Variants in TANC1 observed in about 807,000 individuals in gnomAD.
TANC1 encodes protein TANC1.
In TANC1, 77 loss-of-function variants were observed where a neutral mutation model predicts 149.7. The observed-to-expected ratio is 0.51, with a 90% CI of 0.43 to 0.62. The LOEUF (loss-of-function observed/expected upper bound fraction) is 0.62. Ranked by LOEUF, TANC1 falls within the 20% of genes least tolerant of loss-of-function variation. TANC1 has a pLI of 0.00. For synonymous variants in TANC1, 854 were observed against 925.0 expected (o/e 0.92, Z 1.39); for missense variants, 1,985 against 2,321.8 (o/e 0.85, Z 2.98).
chr2:158,979,333 T>C (rs1004371503), intron 1 of TANC1, among the ~76,000 whole-genome samples: 1 of 151,848 alleles, frequency 6.6e-6, no homozygotes, highest in African/African-American at 2.4e-5. Context: ...TACAAAATTT[T>C]TTTTTAAAAA....
chr2:159,202,126 G>A (rs571313428), intron 19 of TANC1, among the ~76,000 whole-genome samples: 54 of 152,296 alleles, frequency 3.5e-4, no homozygotes, highest in African/African-American at 1.1e-3. Context: ...TAAGAATGAC[G>A]GCCACCAGCC....
chr2:159,097,529 A>G (rs1220741426), intron 3 of TANC1, 108 bp from the exon 4 acceptor site: 2 of 880,116 alleles, frequency 2.3e-6, no homozygotes, highest in Non-Finnish European at 3.6e-6. Context: ...CAATACACAC[A>G]TCTGATATGT....
chr2:159,172,333 A>G (rs1028390948), intron 11 of TANC1, 61 bp downstream of exon 11: 1 of 1,542,056 alleles, frequency 6.5e-7, no homozygotes, highest in Non-Finnish European at 8.8e-7. Context: ...TTGGTTTCTG[A>G]GAAGTAGATT....
chr2:159,052,885 G>T (rs2041571508), intron 2 of TANC1, among the ~76,000 whole-genome samples: 1 of 152,190 alleles, frequency 6.6e-6, no homozygotes, highest in Non-Finnish European at 1.5e-5. Flanking sequence ...TCTTATTTAT[G>T]CGTTAAGCAT....
rs1472931479 is a variant in TANC1 at position 159,231,014 on chromosome 2, C to T, written c.*2C>T. ...TCATTTATAGAGTCAAATGTGTGAACCTTAAGAAATCCCCATTTGTGGAAT... is the reference window on the plus strand; with the variant it reads ...TCATTTATAGAGTCAAATGTGTGAATCTTAAGAAATCCCCATTTGTGGAAT... On this transcript the variant is annotated 3_prime_UTR_variant, in exon 27 of 27. Transcript: ENST00000263635. The T allele has an allele frequency of 1.3e-6, 2 of 1,584,672 alleles. No individual in the cohort carries two copies. The highest frequency in any genetic ancestry group is 1.7e-6 in the Non-Finnish European group (2 of 1,163,626).
intron 5 of TANC1, among the ~76,000 whole-genome samples, chr2:159,140,001 T>C (rs1197332896): frequency 6.6e-6 from 1 of 152,092 alleles, no homozygotes; most frequent in African/African-American, 2.4e-5. Flanking sequence ...GGCAGGAGAA[T>C]TGCTTGAGCC....
At chr2:158,969,064 G>A (rs2032412377) in intron 1 of TANC1, among the ~76,000 whole-genome samples, 8 of 152,200 alleles carry the variant, frequency 5.3e-5, no homozygotes, top group Admixed American at 5.2e-4. Context: ...GGACCGAGCC[G>A]GCCTCCCCTG....
chr2:159,045,503 T>G (rs1364838957), intron 2 of TANC1, among the ~76,000 whole-genome samples: 2 of 152,122 alleles, frequency 1.3e-5, no homozygotes, highest in Admixed American at 1.3e-4. Flanking sequence ...TACCAGAAGA[T>G]CCGAAGAAAT....
At chr2:159,102,338 G>T (rs1457535525) in intron 4 of TANC1, among the ~76,000 whole-genome samples, 2 of 151,534 alleles carry the variant, frequency 1.3e-5, no homozygotes, top group African/African-American at 2.4e-5. Context: ...GGAGTGCAGT[G>T]GTGCTATCAA....
At chr2:159,079,346 C>CT (rs68143585) in intron 3 of TANC1, among the ~76,000 whole-genome samples, 32,922 of 109,296 alleles carry the variant, frequency 0.3, 5,622 homozygotes, top group African/African-American at 0.45. Flanking sequence ...GTGTGTGTGT[C>CT]TTTTTTTTTT....
intron 2 of TANC1, among the ~76,000 whole-genome samples, chr2:159,041,065 C>G (rs2040591139): frequency 6.6e-6 from 1 of 152,112 alleles, no homozygotes; most frequent in Non-Finnish European, 1.5e-5. Flanking sequence ...CACTACAGAC[C>G]CTGTTTGCCT....
chr2:159,046,070 T>A (rs1240244364), intron 2 of TANC1, among the ~76,000 whole-genome samples: 1 of 152,146 alleles, frequency 6.6e-6, no homozygotes, highest in Non-Finnish European at 1.5e-5. Flanking sequence ...CCCATAGAGA[T>A]TTATCAGAAA....
At chr2:158,980,730 A>G (rs842066) in intron 1 of TANC1, among the ~76,000 whole-genome samples, 59,844 of 150,384 alleles carry the variant, frequency 0.4, 12,080 homozygotes, top group South Asian at 0.55. Context: ...AGCCGAGATC[A>G]TGCCACTGCA....
At position 159,170,567 on chromosome 2, in the gene TANC1, CTTG is replaced by C; in HGVS notation, c.1119_1121del (p.Leu373del). ...AGCCACAAGACATTTTGTTGAAACC[CTTG>C]TTGTTTGAAGTACCAAGCATAACAA... is the stretch of plus-strand genomic sequence containing the variant. On this transcript the variant is annotated inframe_deletion, in exon 10 of 27. Transcript: ENST00000263635. 1 of 1,613,984 alleles carries C rather than the reference CTTG, an allele frequency of 6.2e-7. No individual in the cohort carries two copies. Among genetic ancestry groups the C allele is most frequent in the African/African-American group, 1.3e-5 (1 of 75,020 alleles).
intron 1 of TANC1, among the ~76,000 whole-genome samples, chr2:158,977,523 C>CTGG (rs2033830328): frequency 6.6e-6 from 1 of 151,742 alleles, no homozygotes; most frequent in Non-Finnish European, 1.5e-5. Flanking sequence ...GTTGGCCAGG[C>CTGG]TGGTCTCAAA....
At chr2:158,987,470 G>T (rs572426605) in intron 1 of TANC1, among the ~76,000 whole-genome samples, 1 of 152,096 alleles carries the variant, frequency 6.6e-6, no homozygotes, top group African/African-American at 2.4e-5. Flanking sequence ...CAAGGCTACA[G>T]TGAGCTATGA....
In TANC1 at chr2:159,001,706, T is replaced by C. The variant is rs2036627734; in HGVS notation, c.-16+517T>C. ...CTTTCAGAGATGAGGTAAACTCTGC[T>C]GTACAGATGAGGAATCTCAGGTTTA... On this transcript the variant is annotated intron_variant, in intron 2 of 26. Transcript: ENST00000263635. The surrounding 1 kb of genome is among the most constrained non-coding windows in gnomAD (Gnocchi z 4.3). Among the ~76,000 whole-genome samples, 2 of 152,228 alleles carry C rather than the reference T, an allele frequency of 1.3e-5. No individual in the cohort carries two copies.
In TANC1 at chr2:159,230,396, C is replaced by T; in HGVS notation, c.4970C>T (p.Pro1657Leu). The change falls in exon 27 of 27, where the codon CCA becomes CTA. Residue 1657 changes from proline (P) to leucine (L), a missense_variant. Pro to Leu is a moderately conservative substitution (Grantham distance 98). This residue lies in a region of TANC1 where 920 missense variants were observed against 994.7 expected (regional missense o/e 0.92). Coordinates refer to ENST00000263635, the MANE Select transcript of TANC1 (RefSeq NM_033394.3). The surrounding 1 kb of genome is among the most constrained non-coding windows in gnomAD (Gnocchi z 4.4). ...GCGACCTGCAGCGACGTGCGACACC[C>T]AGCTTCCCTCACCAGCTCAGGCTCT... ...GLATCSDVRH[P>L]ASLTSSGSSG... The T allele has an allele frequency of 6.2e-7, 1 of 1,614,176 alleles. No individual in the cohort carries two copies. The highest frequency in any genetic ancestry group is 8.5e-7 in the Non-Finnish European group (1 of 1,180,044).
chr2:159,139,133 C>G (rs1056654184), intron 5 of TANC1, among the ~76,000 whole-genome samples: 4 of 151,760 alleles, frequency 2.6e-5, no homozygotes, highest in Admixed American at 2.6e-4. Flanking sequence ...TTCAGGGGGC[C>G]GAGGTGGGAG....
Sources: allele counts gnomAD v4.1 joint callset (sites outside exome capture counted in the v4.1 genomes callset), GRCh38; gene constraint gnomAD v4.1.1; regional missense constraint gnomAD v4.1.1; non-coding constraint Gnocchi (gnomAD v3.1); transcripts MANE v1.5; gene names NCBI Gene and HGNC (gene_info 2026-07-23, HGNC 2026-07-21).